DNAH17: variants seen among roughly 807,000 people sequenced by gnomAD.
DNAH17 encodes axonemal beta dynein heavy chain 17.
Under a neutral mutation model 485.6 loss-of-function variants are expected in DNAH17, and 376 were observed. The ratio of observed to expected loss-of-function variants is 0.77; its 90% CI spans 0.71 to 0.84. The LOEUF (loss-of-function observed/expected upper bound fraction) is 0.84, where lower values mean the gene tolerates loss of function less well. DNAH17 is among the 40% of genes least tolerant of loss of function. The probability of loss-of-function intolerance (pLI) is 0.00; values close to 1 mark genes in which losing one functional copy is unlikely to be tolerated. For missense variants in DNAH17, 6,370 were observed against 5,839.3 expected (o/e 1.09, Z -2.96); for synonymous variants, 3,031 against 2,405.9 (o/e 1.26, Z -7.60).
chr17:78,436,415 C>T (rs988611947), intron 74 of DNAH17, among the ~76,000 whole-genome samples: 6 of 150,786 alleles, frequency 4.0e-5, no homozygotes, highest in Non-Finnish European at 5.9e-5. Context: ...GCAATAAGAG[C>T]GAAACTCCAT....
In DNAH17 at chr17:78,429,420, C is replaced by T. The variant is rs1290023690; in HGVS notation, c.12226-120G>A. On this transcript the variant is annotated intron_variant, in intron 75 of 80. Transcript: ENST00000389840. ...AGCCATTGGTGCTGTGTCCTTCTCG[C>T]CCTCCAGGTCAGCCTCCTGGCCATT... The T allele has an allele frequency of 5.3e-6, 6 of 1,124,672 alleles. No homozygotes were observed. The East Asian group carries it at 1.0e-4, about 20-fold the overall frequency. The allele number at this position is 1,124,672 out of a possible 1,614,324, so 69.7% of individuals were successfully genotyped here.
chr17:78,457,541 G>A (rs79500380), intron 62 of DNAH17, among the ~76,000 whole-genome samples: 3,975 of 151,640 alleles, frequency 0.026, 187 homozygotes, highest in African/African-American at 0.09. Flanking sequence ...CTGTTTCTTT[G>A]TACTTAAAAA....
intron 12 of DNAH17, 50 bp downstream of exon 12, chr17:78,561,665 C>T (rs2092157776): frequency 6.4e-7 from 1 of 1,551,768 alleles, no homozygotes; most frequent in Non-Finnish European, 8.7e-7. Flanking sequence ...CTCTCGCTCT[C>T]CCGCACCATG....
chr17:78,523,747 A>T (rs998788763), intron 25 of DNAH17, among the ~76,000 whole-genome samples: 3 of 152,196 alleles, frequency 2.0e-5, no homozygotes, highest in Non-Finnish European at 4.4e-5. Flanking sequence ...CTCTACATAG[A>T]AATGTAAAAA....
rs1212582355 is a variant in DNAH17 at position 78,475,680 on chromosome 17, C to T, written c.8308G>A (p.Val2770Ile). ...VLDSYNEVNA[V>I]MNLVLFEDAV... Reference sequence around the variant, plus strand: ...TCCAGCCTGCTCACCAAATTCATGACTGCATTAACTTCATTGTAGCTGTCC... The same window carrying T: ...TCCAGCCTGCTCACCAAATTCATGATTGCATTAACTTCATTGTAGCTGTCC... Residue 2770 changes from valine (V) to isoleucine (I), a missense_variant, in exon 53 of 81, where the codon GTC becomes ATC. Val to Ile is a conservative substitution (Grantham distance 29, BLOSUM62 3). Transcript: ENST00000389840. 6.2e-7 allele frequency: 1 copy of T among 1,613,692 alleles called. No individual in the cohort carries two copies. Among genetic ancestry groups the T allele is most frequent in the African/African-American group, 1.3e-5 (1 of 75,020 alleles).
rs375788901 is a variant in DNAH17 at position 78,424,183 on chromosome 17, T to C, written c.13142-30A>G. 25 of 1,586,086 alleles carry C rather than the reference T, an allele frequency of 1.6e-5. No individual in the cohort carries two copies. In the African/African-American group the frequency reaches 3.2e-4, roughly 20 times the overall value. ...AGGGACAGTATGGCTGAGGGTCAGG[T>C]GTGCTGCCAGTAAGTGAGGGAGGGG... On this transcript the variant is annotated intron_variant, in intron 80 of 80. Coordinates refer to ENST00000389840, the MANE Select transcript of DNAH17 (RefSeq NM_173628.4).
chr17:78,537,379 G>C lies in DNAH17; in HGVS notation c.2779C>G (p.Leu927Val). The C allele has an allele frequency of 6.2e-7, 1 of 1,612,634 alleles. No homozygotes were observed. The highest frequency in any genetic ancestry group is 8.5e-7 in the Non-Finnish European group (1 of 1,179,542). The change falls in exon 19 of 81, where the codon CTG (leucine) becomes GTG (valine). Residue 927 changes from leucine to valine, a missense_variant. Physicochemically the swap from Leu to Val is conservative, Grantham distance 32. Coordinates refer to ENST00000389840, the MANE Select transcript of DNAH17 (RefSeq NM_173628.4). ...EVGSDRGFLA[L>V]IEGLVNDIYN... is the part of the protein sequence containing the mutation. ...ATGTCGTTGACCAGGCCCTCGATCA[G>C]TGCCAGGAAGCCGCGATCTGAGCCC...
intron 44 of DNAH17, among the ~76,000 whole-genome samples, chr17:78,490,284 G>A (rs916134816): frequency 2.6e-5 from 4 of 152,162 alleles, no homozygotes; most frequent in Non-Finnish European, 5.9e-5. Context: ...CTGCCCATCC[G>A]GCAATGCCCC....
At chr17:78,450,996 GC>G in intron 66 of DNAH17, 150 bp from the exon 67 acceptor site, 2 of 1,016,682 alleles carry the variant, frequency 2.0e-6, no homozygotes, top group Non-Finnish European at 2.9e-6. Context: ...CAGAAGCAGA[GC>G]CCCTGGAACC....
chr17:78,517,256 C>A (rs1386576855), intron 25 of DNAH17, among the ~76,000 whole-genome samples: 1 of 152,218 alleles, frequency 6.6e-6, no homozygotes. Flanking sequence ...GTTGGCCAGA[C>A]CGGTCTCAAA....
rs1408890650 is a variant in DNAH17 at position 78,425,753 on chromosome 17, CTGCTTTTTTTTTTT to C, written c.12916-196_12916-183del. On this transcript the variant is annotated intron_variant, in intron 79 of 80. Coordinates refer to ENST00000389840, the MANE Select transcript of DNAH17 (RefSeq NM_173628.4). ...ACCTACCATGACGCAACTTTGGTGT[CTGCTTTTTTTTTTT>C]TTTTTTTTTTTTTTTTGAGATGAAG... Among the ~76,000 whole-genome samples, 265 of 113,032 alleles carry C rather than the reference CTGCTTTTTTTTTTT, an allele frequency of 2.3e-3. 4 individuals carry two copies. Among genetic ancestry groups the C allele is most frequent in the African/African-American group, 0.011 (257 of 23,994 alleles). The allele number at this position is 113,032 out of a possible 152,430, so 74.2% of individuals were successfully genotyped here.
chr17:78,515,267 G>C (rs2090750772), intron 25 of DNAH17, among the ~76,000 whole-genome samples: 1 of 152,200 alleles, frequency 6.6e-6, no homozygotes, highest in South Asian at 2.1e-4. Context: ...CCACTACTTT[G>C]GGAGGCCGAG....
At position 78,560,859 on chromosome 17, in the gene DNAH17, C is replaced by T. The variant is rs985727041; in HGVS notation, c.1912G>A (p.Glu638Lys). 42 of 1,551,804 alleles carry T rather than the reference C, an allele frequency of 2.7e-5. No homozygotes were observed. The highest frequency in any genetic ancestry group is 7.3e-5 in the East Asian group (3 of 40,918). ...GCCACCCACTGCTGGTAGATCTTCT[C>T]GCGGTGGCACCTCAGCAGCTCCATC... ...EMMELLRCHR[E>K]KIYQQWVAGV... is the part of the protein sequence containing the mutation. Residue 638 changes from glutamate to lysine, a missense_variant, in exon 13 of 81, where the codon GAG becomes AAG. By Grantham distance (56) the Glu-to-Lys change is moderately conservative. Transcript: ENST00000389840.
chr17:78,499,178 G>C, intron 36 of DNAH17, 66 bp from the exon 37 acceptor site: 2 of 1,090,476 alleles, frequency 1.8e-6, no homozygotes, highest in Non-Finnish European at 1.3e-6. Context: ...CGCTGCAGGG[G>C]CCTCCCCCTG....
Position 78,512,254 on chromosome 17 carries a change from G to A in DNAH17, c.4114-1748C>T, listed in dbSNP as rs572010767. Among the ~76,000 whole-genome samples the A allele has an allele frequency of 5.3e-5, 8 of 152,352 alleles. No homozygotes were observed. The South Asian group carries it at 1.7e-3, about 32-fold the overall frequency. On this transcript the variant is annotated intron_variant, in intron 26 of 80. Coordinates refer to ENST00000389840, the MANE Select transcript of DNAH17 (RefSeq NM_173628.4). The stretch of plus-strand genomic sequence containing the variant: ...GGCCATGCTGCCCTTGGTCCTTGGG[G>A]TATGTTCTCACCGTTGTTCTTGCAT...
At chr17:78,450,144 G>A in intron 68 of DNAH17, 110 bp downstream of exon 68, 1 of 1,353,814 alleles carries the variant, frequency 7.4e-7, no homozygotes, top group Non-Finnish European at 1.0e-6. Context: ...TCTGCCCTCT[G>A]AGGGTGGCCC....
chr17:78,442,102 A>C (rs1035200203), intron 71 of DNAH17, among the ~76,000 whole-genome samples: 4 of 151,974 alleles, frequency 2.6e-5, no homozygotes, highest in Admixed American at 1.3e-4. Flanking sequence ...AAAATTAGTA[A>C]GATTTTAGTG....
intron 69 of DNAH17, 138 bp downstream of exon 69, chr17:78,449,276 G>A (rs959095163): frequency 3.7e-6 from 3 of 817,850 alleles, no homozygotes; most frequent in African/African-American, 3.4e-5. Flanking sequence ...TAATCACCTG[G>A]GTATATTGCT....
intron 52 of DNAH17, among the ~76,000 whole-genome samples, 192 bp downstream of exon 52, chr17:78,476,364 TCGGACCCACAGCCACG>T (rs2089023132): frequency 1.3e-5 from 2 of 150,840 alleles, no homozygotes; most frequent in African/African-American, 2.5e-5. Context: ...CGTGGAACCC[TCGGACCCACAGCCACG>T]TGCCGGAGTT....
Sources: gnomAD v4.1 joint callset for allele counts (sites outside exome capture counted in the v4.1 genomes callset) on GRCh38, gnomAD v4.1.1 for gene constraint, MANE v1.5 for transcripts, NCBI Gene and HGNC (gene_info 2026-07-23, HGNC 2026-07-21) for gene names.